The following LRP1B variants were observed in gnomAD, a reference collection of about 807,000 sequenced individuals.
The protein encoded by LRP1B is low-density lipoprotein receptor-related protein 1B.
LRP1B carries 217 observed loss-of-function variants against 556.6 expected under a neutral mutation model. That is an observed-to-expected ratio of 0.39 (90% CI 0.35 to 0.44). The LOEUF (loss-of-function observed/expected upper bound fraction) is 0.44. Among genes scored for constraint, LRP1B ranks in the 20% least tolerant of loss-of-function variants. The probability of loss-of-function intolerance (pLI) is 1.00; values close to 1 mark genes in which losing one functional copy is unlikely to be tolerated. For missense variants in LRP1B, 5,053 were observed against 5,620.8 expected, an observed-to-expected ratio of 0.90 and a Z score of 3.23; for synonymous variants, 2,047 against 1,865.8, an observed-to-expected ratio of 1.10 and a Z score of -2.50.
chr2:140,553,450 T>C lies in LRP1B; in HGVS notation c.7195-11479A>G, dbSNP rs920358966. On this transcript the variant is annotated intron_variant, in intron 43 of 90. Transcript: ENST00000389484. ...ACACACACACACACACACACACACA[T>C]GCAATAAAGTTCCTTAATATTGAAT... is the stretch of plus-strand genomic sequence containing the variant. Among the ~76,000 whole-genome samples, 73 of 99,660 alleles carry C rather than the reference T, an allele frequency of 7.3e-4. 2 individuals are homozygous for C. Among genetic ancestry groups the C allele is most frequent in the East Asian group, 7.6e-4 (2 of 2,626 alleles). The allele number at this position is 99,660 out of a possible 152,430, so 65.4% of individuals were successfully genotyped here.
intron 11 of LRP1B, among the ~76,000 whole-genome samples, chr2:141,023,405 A>G (rs1360662978): frequency 6.6e-6 from 1 of 151,930 alleles, no homozygotes; most frequent in Admixed American, 6.6e-5. Flanking sequence ...AATAACATAT[A>G]ATAAAATTTA....
chr2:142,003,421 C>G (rs563627562), intron 1 of LRP1B, among the ~76,000 whole-genome samples: 1 of 152,210 alleles, frequency 6.6e-6, no homozygotes, highest in African/African-American at 2.4e-5. Flanking sequence ...TGCCTTTTTA[C>G]CAAACAGAAA....
intron 82 of LRP1B, among the ~76,000 whole-genome samples, chr2:140,319,142 C>T (rs1056444061): frequency 2.6e-5 from 4 of 151,334 alleles, no homozygotes; most frequent in Admixed American, 2.6e-4. Flanking sequence ...TAATTTGGAC[C>T]AAACAAAGAG....
chr2:140,950,761 G>A (rs988624249), intron 19 of LRP1B, among the ~76,000 whole-genome samples: 1 of 151,820 alleles, frequency 6.6e-6, no homozygotes, highest in South Asian at 2.1e-4. Context: ...CAAAATACTG[G>A]GGTTATAGAC....
intron 11 of LRP1B, among the ~76,000 whole-genome samples, chr2:141,033,931 T>C (rs1698454442): frequency 6.6e-6 from 1 of 152,184 alleles, no homozygotes; most frequent in Non-Finnish European, 1.5e-5. Context: ...AACTTTAACT[T>C]CCTCCCAAGT....
At chr2:140,518,394 G>T (rs1690010308) in intron 49 of LRP1B, among the ~76,000 whole-genome samples, 1 of 152,006 alleles carries the variant, frequency 6.6e-6, no homozygotes, top group Admixed American at 6.6e-5. Flanking sequence ...AAATATAAAA[G>T]TTGTGATTCT....
intron 3 of LRP1B, among the ~76,000 whole-genome samples, chr2:141,480,076 G>A (rs1682861171): frequency 6.6e-6 from 1 of 152,016 alleles, no homozygotes; most frequent in Non-Finnish European, 1.5e-5. Flanking sequence ...CTGTGACAAA[G>A]ACTTCTCATT....
intron 67 of LRP1B, among the ~76,000 whole-genome samples, chr2:140,382,773 G>C (rs571715422): frequency 6.6e-6 from 1 of 152,200 alleles, no homozygotes; most frequent in Admixed American, 6.5e-5. Flanking sequence ...CATAAACAAA[G>C]AAGTCCAAAA....
At chr2:140,451,626 C>T (rs747301017) in intron 62 of LRP1B, among the ~76,000 whole-genome samples, 1 of 151,962 alleles carries the variant, frequency 6.6e-6, no homozygotes, top group Non-Finnish European at 1.5e-5. Flanking sequence ...GTATGGGCCC[C>T]ACATAAATTT....
chr2:140,442,337 T>G (rs183989620), intron 66 of LRP1B, among the ~76,000 whole-genome samples, 167 bp downstream of exon 66: 6,460 of 152,316 alleles, frequency 0.042, 227 homozygotes, highest in Non-Finnish European at 0.054. Flanking sequence ...CCAGGCTTCT[T>G]GTAAAGTAGC....
At chr2:142,069,902 CA>C (rs1705248856) in intron 1 of LRP1B, among the ~76,000 whole-genome samples, 1 of 151,684 alleles carries the variant, frequency 6.6e-6, no homozygotes, top group Admixed American at 6.6e-5. Context: ...ACAATTTGTG[CA>C]GTAATTAAAT....
chr2:140,309,903 C>T (rs1207622703), intron 83 of LRP1B, among the ~76,000 whole-genome samples: 5 of 144,220 alleles, frequency 3.5e-5, no homozygotes, highest in Non-Finnish European at 7.6e-5. Flanking sequence ...ATAACACAAT[C>T]AAATGTTCTC....
intron 43 of LRP1B, among the ~76,000 whole-genome samples, chr2:140,551,283 A>G (rs1209168384): frequency 6.6e-6 from 1 of 152,190 alleles, no homozygotes; most frequent in African/African-American, 2.4e-5. Flanking sequence ...TAAAAATAAT[A>G]ACTGCTCTGG....
chr2:140,590,841 T>G (rs1444957283), intron 43 of LRP1B, among the ~76,000 whole-genome samples: 4 of 152,224 alleles, frequency 2.6e-5, no homozygotes, highest in African/African-American at 9.6e-5. Flanking sequence ...AATATTTTTA[T>G]ACATCTAGCC....
At chr2:140,611,781 G>A (rs951874941) in intron 41 of LRP1B, among the ~76,000 whole-genome samples, 2 of 151,964 alleles carry the variant, frequency 1.3e-5, no homozygotes, top group African/African-American at 4.8e-5. Context: ...CATAATAAAT[G>A]TTATGTAATA....
At chr2:141,013,941 C>T (rs1330824406) in intron 13 of LRP1B, among the ~76,000 whole-genome samples, 196 bp from the exon 14 acceptor site, 2 of 152,000 alleles carry the variant, frequency 1.3e-5, no homozygotes, top group Non-Finnish European at 2.9e-5. Flanking sequence ...TTGAAGGAAA[C>T]CATCTATTTT....
At chr2:141,303,668 A>G (rs956596752) in intron 3 of LRP1B, among the ~76,000 whole-genome samples, 2 of 152,138 alleles carry the variant, frequency 1.3e-5, no homozygotes, top group Non-Finnish European at 2.9e-5. Context: ...CATTCATCCA[A>G]TGATAGACAC....
Position 142,130,640 on chromosome 2 carries a change from C to G in LRP1B, c.82+8G>C, listed in dbSNP as rs777703826. 4 of 1,605,752 alleles carry G rather than the reference C, an allele frequency of 2.5e-6. No individual in the cohort carries two copies. Among genetic ancestry groups the G allele is most frequent in the Non-Finnish European group, 3.4e-6 (4 of 1,174,794 alleles). ...CAGGGGAGGGGAGCGGGGAGGTGTT[C>G]TCCTTACCTCGGTCGGCTCCCACGG... is the stretch of plus-strand genomic sequence containing the variant. On this transcript the variant is annotated splice_region_variant and intron_variant, in intron 1 of 90. Coordinates refer to ENST00000389484, the MANE Select transcript of LRP1B (RefSeq NM_018557.3).
At chr2:141,814,766 C>T (rs79678432) in intron 1 of LRP1B, among the ~76,000 whole-genome samples, 4 of 152,054 alleles carry the variant, frequency 2.6e-5, no homozygotes, top group Admixed American at 1.3e-4. Flanking sequence ...CTGGGTAAAA[C>T]TGGAAACAAA....
Sources: gnomAD v4.1 joint callset for allele counts (sites outside exome capture counted in the v4.1 genomes callset) on GRCh38, gnomAD v4.1.1 for gene constraint, MANE v1.5 for transcripts, NCBI Gene and HGNC (gene_info 2026-07-23, HGNC 2026-07-21) for gene names.